TMEM150B: variants seen among roughly 807,000 people sequenced by gnomAD.
The protein encoded by TMEM150B is modulator of macroautophagy TMEM150B.
Under a neutral mutation model 25.2 loss-of-function variants are expected in TMEM150B, and 33 were observed. The observed-to-expected ratio is 1.31, with a 90% confidence interval of 0.99 to 1.75. The LOEUF is 1.75. Among genes scored for constraint, TMEM150B ranks in the 40% most tolerant of loss-of-function variants. TMEM150B has a pLI of 0.00. For synonymous variants in TMEM150B, 133 were observed against 134.8 expected, an observed-to-expected ratio of 0.99 and a Z score of 0.09; for missense variants, 322 against 306.1, an observed-to-expected ratio of 1.05 and a Z score of -0.39.
Position 55,320,454 on chromosome 19 carries a change from A to G in TMEM150B, c.133T>C (p.Cys45Arg), listed in dbSNP as rs1311769255. ...CAGCTCTGAGGGGGGAAGGATCCGC[A>G]GATGCTGGGGAAGACAAAGGGGTCA... ...LSKGFPYISI[C>R]GSFPPQSCIF... is the part of the protein sequence containing the mutation. The change falls in exon 5 of 8, where the codon TGC becomes CGC. Residue 45 changes from cysteine to arginine, a missense_variant. Physicochemically the swap from Cys to Arg is radical, Grantham distance 180. Coordinates refer to ENST00000326652, the MANE Select transcript of TMEM150B (RefSeq NM_001282011.2). 34 of 1,594,284 alleles carry G rather than the reference A, an allele frequency of 2.1e-5. No homozygotes were observed. Among genetic ancestry groups the G allele is most frequent in the Non-Finnish European group, 2.8e-5 (33 of 1,168,906 alleles).
chr19:55,320,273 C>G, intron 5 of TMEM150B, 107 bp from the exon 6 acceptor site: 1 of 1,516,214 alleles, frequency 6.6e-7, no homozygotes, highest in Non-Finnish European at 8.9e-7. Context: ...GGCAAACTCC[C>G]GGATTTTGGG....
chr19:55,317,507 T>C (rs2089045131), intron 6 of TMEM150B, among the ~76,000 whole-genome samples: 1 of 151,872 alleles, frequency 6.6e-6, no homozygotes, highest in Admixed American at 6.6e-5. Flanking sequence ...TTGCCAGGCA[T>C]AGTGGCTCAC....
rs1911946471 is a variant in TMEM150B at position 55,320,453 on chromosome 19, C to T, written c.134G>A (p.Cys45Tyr). The part of the protein sequence containing the change: ...LSKGFPYISI[C>Y]GSFPPQSCIF... Reference sequence around the variant, plus strand: ...GCAGCTCTGAGGGGGGAAGGATCCGCAGATGCTGGGGAAGACAAAGGGGTC... The same window carrying T: ...GCAGCTCTGAGGGGGGAAGGATCCGTAGATGCTGGGGAAGACAAAGGGGTC... Residue 45 changes from cysteine to tyrosine, a missense_variant, in exon 5 of 8, where the codon TGC becomes TAC. By Grantham distance (194) the Cys-to-Tyr change is radical (BLOSUM62 -2). Transcript: ENST00000326652. 2 of 1,593,724 alleles carry T rather than the reference C, an allele frequency of 1.3e-6. No individual in the cohort carries two copies. Among genetic ancestry groups the T allele is most frequent in the South Asian group, 1.1e-5 (1 of 88,396 alleles).
At chr19:55,316,214 G>A (rs1445040014) in intron 7 of TMEM150B, among the ~76,000 whole-genome samples, 1 of 152,104 alleles carries the variant, frequency 6.6e-6, no homozygotes, top group Non-Finnish European at 1.5e-5. Flanking sequence ...GATATCACAG[G>A]ACATGGAGTT....
intron 1 of TMEM150B, chr19:55,324,698 C>T (rs2089290592): frequency 1.0e-6 from 1 of 977,842 alleles, no homozygotes; most frequent in Non-Finnish European, 1.2e-6. Flanking sequence ...TAAATCCTGT[C>T]CCAGTGGGGC....
At chr19:55,319,958 A>G (rs1235644164) in intron 6 of TMEM150B, 81 bp downstream of exon 6, 1 of 1,592,266 alleles carries the variant, frequency 6.3e-7, no homozygotes, top group African/African-American at 1.4e-5. Flanking sequence ...CGAGACAATA[A>G]GCCTATGGCC....
Position 55,316,853 on chromosome 19 carries a change from G to T in TMEM150B, c.438C>A (p.Pro146=). 1 of 1,593,058 alleles carries T rather than the reference G, an allele frequency of 6.3e-7. No individual in the cohort carries two copies. Among genetic ancestry groups the T allele is most frequent in the South Asian group, 1.1e-5 (1 of 87,922 alleles). Residue 146 remains proline (P), a synonymous_variant, in exon 7 of 8, where the codon CCC becomes CCA. Transcript: ENST00000326652. The part of the protein sequence containing the change: ...LLWRLKRLPQ[P]GAAWIGPLRL... The stretch of plus-strand genomic sequence containing the variant: ...GGAGGGGCCCAATCCAGGCAGCCCC[G>T]GGCTGGGGCAGCCTCTTCAGCCTCC...
chr19:55,318,654 A>G (rs936033301), intron 6 of TMEM150B, among the ~76,000 whole-genome samples: 11 of 152,142 alleles, frequency 7.2e-5, no homozygotes, highest in African/African-American at 2.4e-4. Flanking sequence ...GTATATATAT[A>G]AATATATTCT....
Position 55,320,595 on chromosome 19 carries a change from T to A in TMEM150B, c.91A>T (p.Arg31Trp). 6.2e-7 allele frequency: 1 copy of A among 1,614,036 alleles called. No homozygotes were observed. The highest frequency in any genetic ancestry group is 8.5e-7 in the Non-Finnish European group (1 of 1,179,980). Residue 31 changes from arginine (R) to tryptophan (W), a missense_variant, in exon 4 of 8, where the codon AGG (arginine) becomes TGG (tryptophan). Arg to Trp is a moderately radical substitution (Grantham distance 101). Transcript: ENST00000326652. ...AAGCCTTTACTGAGGTCCACAGTCC[T>A]GTTGGTCACTGCAATGGCAAAACTA... The part of the protein sequence containing the change: ...WIVFAIAVTN[R>W]TVDLSKGFPY...
chr19:55,319,858 C>G, intron 6 of TMEM150B, 181 bp downstream of exon 6: 1 of 1,429,666 alleles, frequency 7.0e-7, no homozygotes, highest in South Asian at 1.5e-5. Flanking sequence ...TCGTAGTGCC[C>G]CACTCAGAGA....
chr19:55,312,046 C>A, downstream of TMEM150B: 6 of 1,479,886 alleles, frequency 4.1e-6, no homozygotes, highest in Non-Finnish European at 5.4e-6. Context: ...CTCCTGGCCA[C>A]CAACGGGACC....
chr19:55,311,813 G>A, downstream of TMEM150B: 1 of 1,324,890 alleles, frequency 7.5e-7, no homozygotes, highest in East Asian at 2.5e-5. Flanking sequence ...CGGGGTTACT[G>A]AGACCGACTG....
rs771489866 is a variant in TMEM150B at position 55,320,176 on chromosome 19, G to C, written c.197-10C>G. The C allele has an allele frequency of 1.9e-6, 3 of 1,613,308 alleles. No homozygotes were observed. Among genetic ancestry groups the C allele is most frequent in the Non-Finnish European group, 2.5e-6 (3 of 1,179,432 alleles). On this transcript the variant is annotated splice_polypyrimidine_tract_variant and intron_variant, in intron 5 of 7. Transcript: ENST00000326652. ...ATGCAGATCCACGCGGCTGGGAGTAGAGGGGAGAAGGAAGTGGGAGGGAGA... is the reference window on the plus strand; with the variant it reads ...ATGCAGATCCACGCGGCTGGGAGTACAGGGGAGAAGGAAGTGGGAGGGAGA...
In TMEM150B at chr19:55,312,943, C is replaced by A. The variant is rs1316452011; in HGVS notation, c.618G>T (p.Leu206=). 6.2e-7 allele frequency: 1 copy of A among 1,612,996 alleles called. No individual in the cohort carries two copies. The change falls in exon 8 of 8, where the codon CTG becomes CTT. Residue 206 remains leucine, a synonymous_variant. Coordinates refer to ENST00000326652, the MANE Select transcript of TMEM150B (RefSeq NM_001282011.2). ...FGLLAVDFSA[L]ESCTLCVQPW... ...GCTGAACACACAGGGTGCAGCTCTC[C>A]AGGGCGGAGAAGTCAACGGCTAAGA...
downstream of TMEM150B, chr19:55,311,861 C>T (rs774514024): frequency 1.9e-6 from 3 of 1,594,072 alleles, no homozygotes; most frequent in East Asian, 2.3e-5. Context: ...GTAATGGGAA[C>T]CCCAACCCTG....
intron 7 of TMEM150B, among the ~76,000 whole-genome samples, chr19:55,313,969 G>T (rs1199705469): frequency 1.3e-5 from 2 of 152,218 alleles, no homozygotes; most frequent in Admixed American, 6.5e-5. Flanking sequence ...GGAGGCCAAG[G>T]TGGGAGGATT....
Position 55,319,943 on chromosome 19 carries a change from G to A in TMEM150B, c.324+96C>T, listed in dbSNP as rs757164326. On this transcript the variant is annotated intron_variant, in intron 6 of 7. Coordinates refer to ENST00000326652, the MANE Select transcript of TMEM150B (RefSeq NM_001282011.2). Reference sequence around the variant, plus strand: ...TCCCAGGAGGGCCGGGCGGGAACCAGCCCCCGAGACAATAAGCCTATGGCC... The same window carrying A: ...TCCCAGGAGGGCCGGGCGGGAACCAACCCCCGAGACAATAAGCCTATGGCC... 17 of 1,562,334 alleles carry A rather than the reference G, an allele frequency of 1.1e-5. No homozygotes were observed. In the African/African-American group the frequency reaches 1.2e-4, roughly 11 times the overall value.
At chr19:55,311,377 C>A (rs1018185577), downstream of TMEM150B, among the ~76,000 whole-genome samples, 3 of 152,132 alleles carry the variant, frequency 2.0e-5, no homozygotes, top group African/African-American at 7.2e-5. Flanking sequence ...CACCTCAGTC[C>A]CCAAGAGGAG....
Position 55,316,507 on chromosome 19 carries a change from A to C in TMEM150B, c.505+279T>G, listed in dbSNP as rs917993594. Among the ~76,000 whole-genome samples, 8 of 152,202 alleles carry C rather than the reference A, an allele frequency of 5.3e-5. 1 individual carries two copies. The highest frequency in any genetic ancestry group is 5.2e-4 in the Admixed American group (8 of 15,276). Reference sequence around the variant, plus strand: ...CTATCCACTCCACAACCCTGAGGTCAGCCCTGTCGTTATCCACATTTGAGG... The same window carrying C: ...CTATCCACTCCACAACCCTGAGGTCCGCCCTGTCGTTATCCACATTTGAGG... On this transcript the variant is annotated intron_variant, in intron 7 of 7. Transcript: ENST00000326652.
Sources: allele counts gnomAD v4.1 joint callset (sites outside exome capture counted in the v4.1 genomes callset), GRCh38; gene constraint gnomAD v4.1.1; transcripts MANE v1.5; gene names NCBI Gene and HGNC (gene_info 2026-07-23, HGNC 2026-07-21).